CD82: variants seen among roughly 807,000 people sequenced by gnomAD.
The protein encoded by CD82 is CD82 molecule, also known as CD82 antigen.
In CD82, 36 loss-of-function variants were observed where a neutral mutation model predicts 37.4. The observed-to-expected ratio is 0.96, with a 90% CI of 0.74 to 1.27. CD82 has a LOEUF of 1.27. Ranked by LOEUF, CD82 falls within the 50% of genes most tolerant of loss-of-function variation. The pLI is 0.00. For missense variants in CD82, 340 were observed against 347.0 expected (o/e 0.98, Z 0.16); for synonymous variants, 158 against 137.4 (o/e 1.15, Z -1.05).
chr11:44,601,220 T>C (rs1477502799), intron 4 of CD82, among the ~76,000 whole-genome samples: 3 of 152,120 alleles, frequency 2.0e-5, no homozygotes, highest in Non-Finnish European at 2.9e-5. Context: ...ATGTGGCCCA[T>C]GACAGCTGCT....
At chr11:44,617,179 A>T (rs1188368923) in intron 7 of CD82, among the ~76,000 whole-genome samples, 2 of 152,118 alleles carry the variant, frequency 1.3e-5, no homozygotes, top group Non-Finnish European at 2.9e-5. Flanking sequence ...CATTGCGGGG[A>T]TTCACACACA....
chr11:44,617,133 G>C (rs532464676), intron 7 of CD82, among the ~76,000 whole-genome samples: 36 of 152,190 alleles, frequency 2.4e-4, no homozygotes, highest in Non-Finnish European at 4.3e-4. Flanking sequence ...TGCTGTGACC[G>C]TGGCTATCCC....
At chr11:44,617,194 C>T (rs1485196219) in intron 7 of CD82, among the ~76,000 whole-genome samples, 1 of 152,158 alleles carries the variant, frequency 6.6e-6, no homozygotes, top group Non-Finnish European at 1.5e-5. Flanking sequence ...CACACAGAGA[C>T]CTCCTTTAGC....
rs974581199 is a variant in CD82, at chr11:44,619,296, C to G, written c.*170C>G. 3.3e-6 allele frequency: 2 copies of G among 601,120 alleles called. No individual in the cohort carries two copies. The highest frequency in any genetic ancestry group is 6.0e-6 in the Non-Finnish European group (2 of 334,642). 37.2% of individuals were successfully genotyped at this position (601,120 alleles called of 1,614,324 possible). A position where few individuals can be genotyped will look rare whatever the true frequency, so the allele number is the denominator to read the frequency against. On this transcript the variant is annotated 3_prime_UTR_variant, in exon 10 of 10. Coordinates refer to ENST00000227155, the MANE Select transcript of CD82 (RefSeq NM_002231.4). ...GCCTAGCGATCTCTCCTGGCCTATC[C>G]GCTGCCAGCCTTGAGCCCTGGCTGT...
intron 6 of CD82, among the ~76,000 whole-genome samples, chr11:44,613,354 C>T (rs763097355): frequency 1.3e-5 from 2 of 152,236 alleles, no homozygotes; most frequent in Non-Finnish European, 2.9e-5. Flanking sequence ...GAGGCCCTGC[C>T]CTCAGCGGGC....
chr11:44,576,329 G>C (rs896282610), intron 1 of CD82, among the ~76,000 whole-genome samples: 2 of 152,182 alleles, frequency 1.3e-5, no homozygotes, highest in South Asian at 2.1e-4. Context: ...GCCACCCCAG[G>C]TAGGGGTTAA....
chr11:44,594,098 G>A (rs926862757), intron 2 of CD82, among the ~76,000 whole-genome samples: 4 of 152,128 alleles, frequency 2.6e-5, no homozygotes, highest in African/African-American at 9.7e-5. Flanking sequence ...TTCTGTATTT[G>A]TTGGGTGTTC....
intron 1 of CD82, among the ~76,000 whole-genome samples, chr11:44,579,416 C>T (rs1156958911): frequency 1.3e-5 from 2 of 152,006 alleles, no homozygotes; most frequent in African/African-American, 2.4e-5. Flanking sequence ...ACTTCCAGGC[C>T]GGCCTCACCG....
intron 7 of CD82, among the ~76,000 whole-genome samples, chr11:44,616,655 T>C (rs953294940): frequency 6.6e-6 from 1 of 152,232 alleles, no homozygotes; most frequent in Non-Finnish European, 1.5e-5. Flanking sequence ...ATGGGGCTAC[T>C]GACCCATGCC....
At chr11:44,604,394 C>T (rs757241541) in intron 4 of CD82, 4 of 157,596 alleles carry the variant, frequency 2.5e-5, no homozygotes, top group Non-Finnish European at 5.6e-5. Flanking sequence ...CTTGCCTGTT[C>T]GCCTTTCTGA....
rs570370361 is a variant in CD82 at position 44,577,894 on chromosome 11, G to A, written c.-102-9581G>A. On this transcript the variant is annotated intron_variant, in intron 1 of 9. Transcript: ENST00000227155. ...AACTATAGGTAGCTCTAGGTAGGGG[G>A]TGTCCTCGGCGGATAATGGGCCAAG... 3.0e-3 allele frequency among the ~76,000 whole-genome samples: 459 copies of A among 152,288 alleles called. 2 individuals carry two copies. The highest frequency in any genetic ancestry group is 0.011 in the African/African-American group (442 of 41,542).
At chr11:44,578,299 T>A (rs1365690423) in intron 1 of CD82, among the ~76,000 whole-genome samples, 1 of 152,130 alleles carries the variant, frequency 6.6e-6, no homozygotes, top group Non-Finnish European at 1.5e-5. Flanking sequence ...CTCTCTGAGC[T>A]CCTATATTCC....
chr11:44,599,249 T>C (rs1853273098), intron 3 of CD82, among the ~76,000 whole-genome samples: 3 of 152,214 alleles, frequency 2.0e-5, no homozygotes, highest in Admixed American at 2.0e-4. Flanking sequence ...GGCCAAGTGA[T>C]CCTCTCTTCT....
intron 1 of CD82, chr11:44,585,005 C>T (rs1393284699): frequency 8.6e-6 from 3 of 346,972 alleles, no homozygotes; most frequent in African/African-American, 6.4e-5. Flanking sequence ...GACCGAGCTC[C>T]CACGGGATCG....
At chr11:44,607,568 T>C (rs1186513619) in intron 6 of CD82, among the ~76,000 whole-genome samples, 1 of 152,226 alleles carries the variant, frequency 6.6e-6, no homozygotes, top group Non-Finnish European at 1.5e-5. Context: ...CCCTATGTGA[T>C]TCACCATCTC....
chr11:44,594,986 G>T, intron 3 of CD82: 1 of 511,534 alleles, frequency 2.0e-6, no homozygotes, highest in Admixed American at 3.2e-5. Context: ...TGGGCTGGCG[G>T]TGGGTATGGG....
chr11:44,571,196 C>T (rs1852809789), intron 1 of CD82, among the ~76,000 whole-genome samples: 1 of 152,198 alleles, frequency 6.6e-6, no homozygotes, highest in Non-Finnish European at 1.5e-5. Context: ...GGAGCTACAG[C>T]ATGACCTTGG....
At chr11:44,572,456 C>T (rs1029609484) in intron 1 of CD82, among the ~76,000 whole-genome samples, 2 of 152,096 alleles carry the variant, frequency 1.3e-5, no homozygotes, top group African/African-American at 4.8e-5. Context: ...ATTATATGAA[C>T]TTGGGATCAT....
intron 4 of CD82, among the ~76,000 whole-genome samples, chr11:44,603,353 A>C (rs1265693622): frequency 6.6e-6 from 1 of 152,050 alleles, no homozygotes; most frequent in Non-Finnish European, 1.5e-5. Context: ...TTTGATAGTT[A>C]TTCTGTAAGG....
Sources: gnomAD v4.1 joint callset for allele counts (sites outside exome capture counted in the v4.1 genomes callset) on GRCh38, gnomAD v4.1.1 for gene constraint, MANE v1.5 for transcripts, NCBI Gene and HGNC (gene_info 2026-07-23, HGNC 2026-07-21) for gene names.